The following KCNIP1 variants were observed in gnomAD, a reference collection of about 807,000 sequenced individuals.
KCNIP1 encodes A-type potassium channel modulatory protein KCNIP1.
Under a neutral mutation model 33.0 loss-of-function variants are expected in KCNIP1, and 18 were observed. The observed-to-expected ratio is 0.55, with a 90% CI of 0.38 to 0.81. KCNIP1 has a LOEUF of 0.81. KCNIP1 is among the 30% of genes least tolerant of loss of function. KCNIP1 has a pLI of 0.00. For missense variants in KCNIP1, 238 were observed against 271.6 expected (o/e 0.88, Z 0.87); for synonymous variants, 93 against 98.3 (o/e 0.95, Z 0.32).
chr5:170,503,940 CA>C, upstream of KCNIP1: 7 of 562,956 alleles, frequency 1.2e-5, no homozygotes, highest in Non-Finnish European at 1.6e-5. Flanking sequence ...CCCCCGCCCC[CA>C]CCGTGCAGCC....
intron 3 of KCNIP1, among the ~76,000 whole-genome samples, chr5:170,720,825 C>G (rs1412697471): frequency 6.6e-6 from 1 of 152,216 alleles, no homozygotes; most frequent in Non-Finnish European, 1.5e-5. Flanking sequence ...CTTAAAATAG[C>G]TGAGACAAGC....
intron 1 of KCNIP1, among the ~76,000 whole-genome samples, chr5:170,413,341 G>A (rs13183726): frequency 0.7 from 106,473 of 152,154 alleles, 37,678 homozygotes; most frequent in African/African-American, 0.81. Context: ...GGCACTCGGT[G>A]GGCTCATTTC....
intron 1 of KCNIP1, among the ~76,000 whole-genome samples, chr5:170,601,905 G>A (rs1758709683): frequency 6.6e-6 from 1 of 152,286 alleles, no homozygotes. Context: ...CCTGGCAATG[G>A]GGAATGGAGC....
At chr5:170,674,177 AAGGAAGGGAGGG>A (rs1454848992) in intron 1 of KCNIP1, among the ~76,000 whole-genome samples, 2,138 of 50,084 alleles carry the variant, frequency 0.043, 25 homozygotes, top group South Asian at 0.078. Context: ...GGAAGGAAGG[AAGGAAGGGAGGG>A]AGGGAGGGAG....
At chr5:170,675,285 T>G (rs1762087896) in intron 1 of KCNIP1, among the ~76,000 whole-genome samples, 1 of 148,964 alleles carries the variant, frequency 6.7e-6, no homozygotes, top group Non-Finnish European at 1.5e-5. Context: ...GGCAACAGAG[T>G]GAGACCCTGT....
intron 2 of KCNIP1, 49 bp downstream of exon 2, chr5:170,718,931 G>A (rs754395821): frequency 6.3e-7 from 1 of 1,582,384 alleles, no homozygotes; most frequent in African/African-American, 1.4e-5. Context: ...CCCACGTGAG[G>A]CTACACTCTC....
At position 170,489,281 on chromosome 5, in the gene KCNIP1, G is replaced by A. The variant is rs1039192752; in HGVS notation, c.88+135317G>A. Among the ~76,000 whole-genome samples the A allele has an allele frequency of 2.6e-5, 4 of 152,254 alleles. No homozygotes were observed. Among genetic ancestry groups the A allele is most frequent in the African/African-American group, 9.6e-5 (4 of 41,476 alleles). On this transcript the variant is annotated intron_variant, in intron 1 of 7. Transcript: ENST00000377360. The surrounding 1 kb of genome is among the most constrained non-coding windows in gnomAD (Gnocchi z 4.3). ...AGAAACAGACAGAAATTTCCCTTGAGAAGGAGAAAGCCATGCTATAGGCAA... is the reference window on the plus strand; with the variant it reads ...AGAAACAGACAGAAATTTCCCTTGAAAAGGAGAAAGCCATGCTATAGGCAA...
chr5:170,613,107 C>T (rs1468523628), intron 1 of KCNIP1, among the ~76,000 whole-genome samples: 1 of 152,240 alleles, frequency 6.6e-6, no homozygotes, highest in Non-Finnish European at 1.5e-5. Context: ...CAATGCCCTT[C>T]CACCCTGTCT....
At chr5:170,675,605 G>A (rs1762103512) in intron 1 of KCNIP1, among the ~76,000 whole-genome samples, 2 of 152,172 alleles carry the variant, frequency 1.3e-5, no homozygotes, top group Admixed American at 1.3e-4. Flanking sequence ...TGGCAACAGA[G>A]CAAGCCCCCA....
chr5:170,386,401 G>A (rs1466511112), intron 1 of KCNIP1, among the ~76,000 whole-genome samples: 3 of 152,180 alleles, frequency 2.0e-5, no homozygotes, highest in South Asian at 2.1e-4. Context: ...AGACACCTTG[G>A]TGATTTTGGA....
chr5:170,704,903 G>A (rs1215432011), intron 1 of KCNIP1, among the ~76,000 whole-genome samples: 3 of 152,288 alleles, frequency 2.0e-5, no homozygotes, highest in African/African-American at 7.2e-5. Context: ...AGCAGGGCTT[G>A]GAAACAGGCA....
At chr5:170,698,293 AC>A (rs1037109454) in intron 1 of KCNIP1, among the ~76,000 whole-genome samples, 1 of 152,228 alleles carries the variant, frequency 6.6e-6, no homozygotes, top group African/African-American at 2.4e-5. Context: ...ACCCAAGGCC[AC>A]CAGGTATCAA....
intron 1 of KCNIP1, among the ~76,000 whole-genome samples, chr5:170,589,548 C>T (rs1455600232): frequency 6.6e-6 from 1 of 152,148 alleles, no homozygotes; most frequent in African/African-American, 2.4e-5. Context: ...GAGATAAATG[C>T]TGTGCAGGAA....
intron 1 of KCNIP1, among the ~76,000 whole-genome samples, chr5:170,527,327 A>G (rs1755616830): frequency 6.6e-6 from 1 of 152,190 alleles, no homozygotes; most frequent in African/African-American, 2.4e-5. Context: ...AAGCAAATAA[A>G]TGTTTGCAGA....
At chr5:170,415,641 T>C (rs1755307741) in intron 1 of KCNIP1, among the ~76,000 whole-genome samples, 1 of 152,160 alleles carries the variant, frequency 6.6e-6, no homozygotes, top group Non-Finnish European at 1.5e-5. Flanking sequence ...CTATCAACCC[T>C]CCAGGCTCAT....
intron 1 of KCNIP1, among the ~76,000 whole-genome samples, chr5:170,367,405 G>T (rs932629570): frequency 8.6e-6 from 1 of 116,868 alleles, no homozygotes; most frequent in African/African-American, 3.6e-5. Context: ...AAGAAAGAAA[G>T]AAAGAAAGAA....
chr5:170,442,661 C>T, intron 1 of KCNIP1, among the ~76,000 whole-genome samples: 1 of 151,958 alleles, frequency 6.6e-6, no homozygotes, highest in East Asian at 1.9e-4. Context: ...GAGAAGACAT[C>T]ACCCCACTTG....
intron 1 of KCNIP1, among the ~76,000 whole-genome samples, chr5:170,460,540 C>T (rs772210817): frequency 1.3e-4 from 20 of 152,090 alleles, no homozygotes; most frequent in Non-Finnish European, 2.4e-4. Flanking sequence ...TTAACATATG[C>T]AAAGTCAATA....
Position 170,585,398 on chromosome 5 carries a change from TA to T in KCNIP1, c.61+80766del, listed in dbSNP as rs552596226. Among the ~76,000 whole-genome samples the T allele has an allele frequency of 4.8e-3, 727 of 152,182 alleles. 6 individuals carry two copies. Among genetic ancestry groups the T allele is most frequent in the African/African-American group, 0.016 (679 of 41,512 alleles). On this transcript the variant is annotated intron_variant, in intron 1 of 7. Coordinates refer to ENST00000328939, the MANE Select transcript of KCNIP1 (RefSeq NM_014592.4). Reference sequence around the variant, plus strand: ...TGGAAGAAATGTGAGCCACAGAACTTACCATGTTGCTTGTTGACTTCCTCTG... The same window carrying T: ...TGGAAGAAATGTGAGCCACAGAACTTCCATGTTGCTTGTTGACTTCCTCTG...
Sources: gnomAD v4.1 joint callset for allele counts (sites outside exome capture counted in the v4.1 genomes callset) on GRCh38, gnomAD v4.1.1 for gene constraint, Gnocchi (gnomAD v3.1) non-coding constraint, MANE v1.5 for transcripts, NCBI Gene and HGNC (gene_info 2026-07-23, HGNC 2026-07-21) for gene names.